The following PPP1CB variants were observed in gnomAD, a reference collection of about 807,000 sequenced individuals.
PPP1CB encodes serine/threonine-protein phosphatase PP1-beta catalytic subunit.
Under a neutral mutation model 43.7 loss-of-function variants are expected in PPP1CB, and 2 were observed. The observed-to-expected ratio is 0.05, with a 90% CI of 0.02 to 0.14. The LOEUF (loss-of-function observed/expected upper bound fraction) is 0.14, where lower values mean the gene tolerates loss of function less well. PPP1CB is among the 10% of genes least tolerant of loss of function. The pLI is 1.00. For synonymous variants in PPP1CB, 136 were observed against 135.6 expected (o/e 1.00, Z -0.02); for missense variants, 84 against 398.0 (o/e 0.21, Z 6.71).
chr2:28,783,525 A>T (rs1667198738), intron 4 of PPP1CB, among the ~76,000 whole-genome samples: 1 of 152,176 alleles, frequency 6.6e-6, no homozygotes, highest in Non-Finnish European at 1.5e-5. Flanking sequence ...TGGGAGGCCA[A>T]GGTGGTTGGA....
intron 4 of PPP1CB, 78 bp downstream of exon 4, chr2:28,781,920 TG>T: frequency 2.0e-6 from 2 of 1,000,498 alleles, no homozygotes; most frequent in Non-Finnish European, 3.2e-6. Context: ...CAAGAGGCTG[TG>T]GGAAAACAAA....
At chr2:28,793,063 G>A (rs1018489902) in intron 6 of PPP1CB, among the ~76,000 whole-genome samples, 3 of 152,078 alleles carry the variant, frequency 2.0e-5, no homozygotes, top group South Asian at 2.1e-4. Flanking sequence ...AAAATTCATC[G>A]GGCTTGCTGG....
intron 7 of PPP1CB, among the ~76,000 whole-genome samples, chr2:28,796,427 G>T (rs553258940): frequency 6.6e-6 from 1 of 152,254 alleles, no homozygotes; most frequent in South Asian, 2.1e-4. Flanking sequence ...CATGAGCATG[G>T]AATGTTTTTC....
At chr2:28,781,568 C>T (rs779689694) in intron 3 of PPP1CB, among the ~76,000 whole-genome samples, 170 bp from the exon 4 acceptor site, 77 of 151,976 alleles carry the variant, frequency 5.1e-4, no homozygotes, top group Non-Finnish European at 5.3e-4. Flanking sequence ...GTAGTTGTTG[C>T]CTTTTTGAAA....
In PPP1CB at chr2:28,783,833, G is replaced by T. The variant is rs530205055; in HGVS notation, c.521-74G>T. 13 of 980,324 alleles carry T rather than the reference G, an allele frequency of 1.3e-5. No homozygotes were observed. In the South Asian group the frequency reaches 1.5e-4, roughly 12 times the overall value. The allele number at this position is 980,324 out of a possible 1,614,324, so 60.7% of individuals were successfully genotyped here. The stretch of plus-strand genomic sequence containing the variant: ...CATAGTGAATCTATTTTGATTAAAT[G>T]CTTTTTATTCGGTGACTGTTAAAAT... On this transcript the variant is annotated intron_variant, in intron 4 of 7. Transcript: ENST00000395366.
At chr2:28,753,986 T>G (rs1036073051) in intron 1 of PPP1CB, among the ~76,000 whole-genome samples, 2 of 152,208 alleles carry the variant, frequency 1.3e-5, no homozygotes, top group African/African-American at 4.8e-5. Context: ...TCCACCCGCT[T>G]CAGCCTCCCA....
Position 28,800,086 on chromosome 2 carries a change from T to A in PPP1CB, c.*783T>A, listed in dbSNP as rs1667577546. On this transcript the variant is annotated 3_prime_UTR_variant, in exon 8 of 8. Transcript: ENST00000395366. ...AGCATTTCATTTAAGATAAGGCTCA[T>A]ATAGTATTACCCAACTAGTTGGTAA... The A allele has an allele frequency of 6.6e-6, 1 of 152,510 alleles. No homozygotes were observed. The allele number at this position is 152,510 out of a possible 1,614,324, so 9.4% of individuals were successfully genotyped here.
In PPP1CB at chr2:28,785,065, C is replaced by CTTTTTTTT. The variant is rs769650329; in HGVS notation, c.592+1108_592+1115dup. Reference sequence around the variant, plus strand: ...ATGTTGTAATAAATTGTGTTAGGAGCTTTTTTTTTTTTTTTTTTTTTTTTT... The same window carrying CTTTTTTTT: ...ATGTTGTAATAAATTGTGTTAGGAGCTTTTTTTTTTTTTTTTTTTTTTTTTTTTTTTTT... On this transcript the variant is annotated intron_variant, in intron 5 of 7. Transcript: ENST00000395366. Among the ~76,000 whole-genome samples, 130 of 54,996 alleles carry CTTTTTTTT rather than the reference C, an allele frequency of 2.4e-3. 32 individuals carry two copies. Among genetic ancestry groups the CTTTTTTTT allele is most frequent in the African/African-American group, 3.4e-3 (41 of 12,062 alleles). 36.1% of individuals were successfully genotyped at this position (54,996 alleles called of 152,430 possible).
chr2:28,753,215 T>TC (rs11410668), intron 1 of PPP1CB, among the ~76,000 whole-genome samples: 79,421 of 152,134 alleles, frequency 0.52, 21,779 homozygotes, highest in South Asian at 0.62. Flanking sequence ...TTTAGAGGCC[T>TC]CTTTGTTAGC....
chr2:28,764,868 C>T (rs1291103941), intron 1 of PPP1CB, among the ~76,000 whole-genome samples: 2 of 151,856 alleles, frequency 1.3e-5, no homozygotes, highest in Non-Finnish European at 2.9e-5. Flanking sequence ...TTTCAGTGAG[C>T]CAAGATCATG....
intron 5 of PPP1CB, among the ~76,000 whole-genome samples, chr2:28,784,734 C>T (rs566623334): frequency 6.6e-6 from 1 of 151,754 alleles, no homozygotes; most frequent in Admixed American, 6.6e-5. Flanking sequence ...GCCTGGCCAA[C>T]GTGATGAAAC....
At chr2:28,785,844 G>T (rs1172268799) in intron 5 of PPP1CB, among the ~76,000 whole-genome samples, 8 of 151,552 alleles carry the variant, frequency 5.3e-5, no homozygotes, top group African/African-American at 1.9e-4. Context: ...TTAAAATAAG[G>T]TATAATATAA....
intron 1 of PPP1CB, among the ~76,000 whole-genome samples, chr2:28,765,248 C>T (rs1040733152): frequency 6.6e-6 from 1 of 152,188 alleles, no homozygotes; most frequent in African/African-American, 2.4e-5. Flanking sequence ...TTAATGTTCT[C>T]TGTCATCAAA....
At chr2:28,781,698 T>C in intron 3 of PPP1CB, 40 bp from the exon 4 acceptor site, 1 of 1,383,786 alleles carries the variant, frequency 7.2e-7, no homozygotes, top group Non-Finnish European at 1.0e-6. Flanking sequence ...ATGAGAACAG[T>C]TTTAGATTTT....
At chr2:28,771,141 T>A (rs1288288371) in intron 1 of PPP1CB, among the ~76,000 whole-genome samples, 1 of 146,916 alleles carries the variant, frequency 6.8e-6, no homozygotes, top group Non-Finnish European at 1.5e-5. Flanking sequence ...GCCACCTCTG[T>A]CTCTTGGGTT....
At chr2:28,769,564 C>G (rs1223108417) in intron 1 of PPP1CB, among the ~76,000 whole-genome samples, 5 of 152,130 alleles carry the variant, frequency 3.3e-5, no homozygotes, top group Admixed American at 3.3e-4. Flanking sequence ...AAAGCAAGTT[C>G]TTTGTGTTGC....
intron 6 of PPP1CB, among the ~76,000 whole-genome samples, chr2:28,792,400 G>C (rs1448606086): frequency 1.3e-5 from 2 of 151,618 alleles, no homozygotes; most frequent in Non-Finnish European, 2.9e-5. Context: ...ACACACCTGT[G>C]GTCTCAGCTA....
rs1205988733 is a variant in PPP1CB at position 28,777,082 on chromosome 2, ACAGAT to A, written c.184+104_184+108del. On this transcript the variant is annotated intron_variant, in intron 2 of 7. Transcript: ENST00000395366. The stretch of plus-strand genomic sequence containing the variant: ...ACATTTTTTGAAATTTTTGTATAAA[ACAGAT>A]CAGTAGGCTTTACTAAATAAAAGTG... 4 of 1,255,610 alleles carry A rather than the reference ACAGAT, an allele frequency of 3.2e-6. No individual in the cohort carries two copies. The African/African-American group carries it at 6.0e-5, about 19-fold the overall frequency. The allele number at this position is 1,255,610 out of a possible 1,614,324, so 77.8% of individuals were successfully genotyped here.
intron 1 of PPP1CB, among the ~76,000 whole-genome samples, chr2:28,759,546 A>G (rs1016091012): frequency 6.7e-6 from 1 of 149,530 alleles, no homozygotes; most frequent in African/African-American, 2.5e-5. Flanking sequence ...AAAAAAAAAA[A>G]GTATAACACA....
Sources: gnomAD v4.1 joint callset for allele counts (sites outside exome capture counted in the v4.1 genomes callset) on GRCh38, gnomAD v4.1.1 for gene constraint, MANE v1.5 for transcripts, NCBI Gene and HGNC (gene_info 2026-07-23, HGNC 2026-07-21) for gene names.